The following CAST variants were observed in gnomAD, a reference collection of about 807,000 sequenced individuals.
The protein encoded by CAST is MIR583 host.
A neutral mutation model predicts 119.6 loss-of-function variants in CAST; 76 were observed. The ratio of observed to expected loss-of-function variants is 0.64; its 90% CI spans 0.53 to 0.77. CAST has a LOEUF of 0.77. Among genes scored for constraint, CAST ranks in the 30% least tolerant of loss-of-function variants. CAST has a pLI of 0.00. For synonymous variants in CAST, 319 were observed against 331.6 expected (o/e 0.96, Z 0.41); for missense variants, 953 against 946.5 (o/e 1.01, Z -0.09).
intron 1 of CAST, among the ~76,000 whole-genome samples, chr5:96,548,755 G>T (rs968356044): frequency 6.6e-6 from 1 of 152,190 alleles, no homozygotes; most frequent in African/African-American, 2.4e-5. Context: ...TCTGGGTAGA[G>T]CTGCCAGATT....
At chr5:96,474,220 G>A in the CAST span, among the ~76,000 whole-genome samples, 1 of 152,208 alleles carries the variant, frequency 6.6e-6, no homozygotes, top group South Asian at 2.1e-4. Flanking sequence ...CAGGAACGAG[G>A]TCCAAATTAT....
At chr5:96,007,429 G>A in the CAST span, among the ~76,000 whole-genome samples, 2 of 152,104 alleles carry the variant, frequency 1.3e-5, no homozygotes, top group South Asian at 4.2e-4. Flanking sequence ...TTTGAATTTA[G>A]TTATAACTCT....
intron 1 of CAST, among the ~76,000 whole-genome samples, chr5:96,571,015 A>G (rs183696872): frequency 1.3e-5 from 2 of 152,330 alleles, no homozygotes; most frequent in East Asian, 1.9e-4. Flanking sequence ...GGAAACAAGT[A>G]TATATTCAGA....
chr5:96,557,693 A>T (rs969138838), intron 1 of CAST, among the ~76,000 whole-genome samples: 15 of 152,222 alleles, frequency 9.9e-5, no homozygotes, highest in Non-Finnish European at 2.2e-4. Context: ...AGGAGCACCC[A>T]GATTCATAAA....
At chr5:96,260,820 T>C in the CAST span, among the ~76,000 whole-genome samples, 1 of 152,242 alleles carries the variant, frequency 6.6e-6, no homozygotes, top group Non-Finnish European at 1.5e-5. Flanking sequence ...CTCTTCCGTG[T>C]TGCTTAATTT....
At chr5:96,222,327 G>A in the CAST span, among the ~76,000 whole-genome samples, 1 of 152,050 alleles carries the variant, frequency 6.6e-6, no homozygotes, top group East Asian at 1.9e-4. Flanking sequence ...GAGACAACCT[G>A]TTGAATGGGA....
chr5:96,235,378 G>A, the CAST span, among the ~76,000 whole-genome samples: 2 of 152,054 alleles, frequency 1.3e-5, no homozygotes, highest in African/African-American at 4.8e-5. Context: ...CCATTCCCTG[G>A]GCATACAGCA....
At chr5:96,339,529 G>T in the CAST span, among the ~76,000 whole-genome samples, 1 of 152,168 alleles carries the variant, frequency 6.6e-6, no homozygotes. Context: ...ACAGTGAGCT[G>T]GGGGAAAACC....
At chr5:96,009,542 ATGG>A in the CAST span, among the ~76,000 whole-genome samples, 1 of 152,016 alleles carries the variant, frequency 6.6e-6, no homozygotes, top group Admixed American at 6.6e-5. Context: ...CATTTATCTG[ATGG>A]TTAGTGATGG....
chr5:96,573,529 C>G (rs189563727), intron 1 of CAST, among the ~76,000 whole-genome samples: 1 of 152,144 alleles, frequency 6.6e-6, no homozygotes, highest in East Asian at 1.9e-4. Flanking sequence ...GTCCCAGACA[C>G]TTAGGAGGCT....
the CAST span, among the ~76,000 whole-genome samples, chr5:96,308,483 G>A: frequency 1.3e-5 from 2 of 152,024 alleles, no homozygotes; most frequent in Non-Finnish European, 2.9e-5. Context: ...TCTTTGTCCA[G>A]TTTTGTTCCC....
chr5:96,090,206 A>G, the CAST span, among the ~76,000 whole-genome samples: 1 of 152,182 alleles, frequency 6.6e-6, no homozygotes, highest in Non-Finnish European at 1.5e-5. Flanking sequence ...ACGGGTCTCT[A>G]GTACCTTATG....
At chr5:96,743,704 A>C in intron 16 of CAST, 1 of 1,611,670 alleles carries the variant, frequency 6.2e-7, no homozygotes, top group Non-Finnish European at 8.5e-7. Context: ...GTGACGGTGA[A>C]CGCAGAGGAG....
chr5:96,159,997 G>A, the CAST span, among the ~76,000 whole-genome samples: 253 of 151,764 alleles, frequency 1.7e-3, 1 homozygote, highest in African/African-American at 5.8e-3. Context: ...AAAATTAGCC[G>A]GGCATGGTGG....
At chr5:96,662,322 T>TGCCAG, upstream of CAST, 1 of 567,042 alleles carries the variant, frequency 1.8e-6, no homozygotes, top group Non-Finnish European at 2.5e-6. Flanking sequence ...GGCCCTCCGC[T>TGCCAG]CCCTCCCTCC....
At chr5:96,618,022 A>G (rs1418553624) in intron 1 of CAST, among the ~76,000 whole-genome samples, 1 of 152,024 alleles carries the variant, frequency 6.6e-6, no homozygotes, top group East Asian at 1.9e-4. Context: ...CACACAGGAC[A>G]AGGATCTTCT....
the CAST span, among the ~76,000 whole-genome samples, chr5:96,120,944 G>A: frequency 1.3e-5 from 2 of 151,806 alleles, no homozygotes; most frequent in African/African-American, 4.8e-5. Context: ...CATATCAAAG[G>A]TGATATTCAC....
At chr5:96,369,564 G>T in the CAST span, among the ~76,000 whole-genome samples, 14 of 152,144 alleles carry the variant, frequency 9.2e-5, no homozygotes, top group Admixed American at 5.9e-4. Context: ...AAAGCCAAAG[G>T]TAATTCCTTT....
the CAST span, chr5:96,215,239 A>G: frequency 1.3e-5 from 2 of 152,210 alleles, no homozygotes; most frequent in Non-Finnish European, 2.9e-5. Flanking sequence ...AAAATTATTG[A>G]GAACTCCAAA....
Sources: allele counts gnomAD v4.1 joint callset (sites outside exome capture counted in the v4.1 genomes callset), GRCh38; gene constraint gnomAD v4.1.1; transcripts MANE v1.5; gene names NCBI Gene and HGNC (gene_info 2026-07-23, HGNC 2026-07-21).